Variants in CYSLTR1 observed in about 807,000 individuals in gnomAD.
The protein encoded by CYSLTR1 is G-protein coupled receptor HG55.
Under a neutral mutation model 2.1 loss-of-function variants are expected in CYSLTR1, and 1 was observed. The observed-to-expected ratio is 0.48, with a 90% CI of 0.17 to 2.28. CYSLTR1 has a LOEUF of 2.28. Among genes scored for constraint, CYSLTR1 ranks in the 30% most tolerant of loss-of-function variants. The pLI is 0.26. For missense variants in CYSLTR1, 299 were observed against 250.1 expected (o/e 1.20, Z -1.32); for synonymous variants, 110 against 89.6 (o/e 1.23, Z -1.28).
chrX:78,293,209 A>G (rs1384614158), intron 1 of CYSLTR1, among the ~76,000 whole-genome samples: 1 of 108,998 alleles, frequency 9.2e-6, no homozygotes, highest in Non-Finnish European at 1.9e-5. Context: ...CTTGTCTGTA[A>G]AGGATTTTAT....
intron 1 of CYSLTR1, among the ~76,000 whole-genome samples, chrX:78,284,137 T>A (rs957414693): frequency 8.9e-6 from 1 of 112,158 alleles, no homozygotes; most frequent in African/African-American, 3.2e-5. Context: ...TAACTTTTCA[T>A]AAGCATATAT....
intron 1 of CYSLTR1, among the ~76,000 whole-genome samples, chrX:78,285,069 T>A (rs1922003852): frequency 2.7e-5 from 3 of 111,144 alleles, no homozygotes; most frequent in Non-Finnish European, 5.7e-5. Context: ...ATATTTTTTT[T>A]AAGTTTGTTT....
chrX:78,274,063 C>T (rs1921450450), intron 2 of CYSLTR1, among the ~76,000 whole-genome samples: 1 of 111,449 alleles, frequency 9.0e-6, no homozygotes, highest in African/African-American at 3.3e-5. Context: ...TTAAATCATA[C>T]TACTGTAGTA....
chrX:78,292,851 A>G (rs976226010), intron 1 of CYSLTR1, among the ~76,000 whole-genome samples: 1 of 79,146 alleles, frequency 1.3e-5, no homozygotes, highest in African/African-American at 5.1e-5. Context: ...CCATCCCTTT[A>G]TTTTGAGCCT....
rs1187426554 is a variant in CYSLTR1, at chrX:78,272,853, A to C, written c.894T>G (p.Ser298=). 3 of 1,209,352 alleles carry C rather than the reference A, an allele frequency of 2.5e-6. No individual in the cohort carries two copies. The highest frequency in any genetic ancestry group is 3.4e-6 in the Non-Finnish European group (3 of 895,134). The change falls in exon 3 of 3, where the codon TCT becomes TCG. Residue 298 remains serine, a synonymous_variant. Coordinates refer to ENST00000373304, the MANE Select transcript of CYSLTR1 (RefSeq NM_006639.4). The stretch of plus-strand genomic sequence containing the variant: ...ACAGCCTTTTCCTAAAGTTACCCCC[A>C]GAAAAGAAATATAGGAGAGGGTCAA... ...CCFDPLLYFF[S]GGNFRKRLST...
intron 1 of CYSLTR1, among the ~76,000 whole-genome samples, chrX:78,296,533 G>A (rs1284669582): frequency 3.6e-5 from 4 of 111,604 alleles, no homozygotes; most frequent in Admixed American, 2.9e-4. Context: ...ATATGAAAAC[G>A]AAATATCTTT....
intron 1 of CYSLTR1, among the ~76,000 whole-genome samples, chrX:78,305,229 A>G (rs1410615254): frequency 8.9e-6 from 1 of 112,355 alleles, no homozygotes; most frequent in African/African-American, 3.2e-5. Flanking sequence ...AAGTAAAAAC[A>G]TTTGTAACTT....
chrX:78,292,458 G>C (rs771669290), intron 1 of CYSLTR1, among the ~76,000 whole-genome samples: 28 of 112,118 alleles, frequency 2.5e-4, no homozygotes, highest in African/African-American at 8.8e-4. Flanking sequence ...GATTTGGGTG[G>C]AGAGTTCTGT....
At chrX:78,291,134 A>C (rs923030698) in intron 1 of CYSLTR1, among the ~76,000 whole-genome samples, 1 of 111,670 alleles carries the variant, frequency 9.0e-6, no homozygotes, top group African/African-American at 3.3e-5. Flanking sequence ...ACATCCCATC[A>C]ATACCTAATT....
At chrX:78,292,302 G>A (rs1922376247) in intron 1 of CYSLTR1, among the ~76,000 whole-genome samples, 1 of 112,088 alleles carries the variant, frequency 8.9e-6, no homozygotes, top group Non-Finnish European at 1.9e-5. Flanking sequence ...TTAATCCTGA[G>A]TTCTAATTTG....
intron 1 of CYSLTR1, among the ~76,000 whole-genome samples, chrX:78,318,696 A>C (rs1423899382): frequency 8.9e-6 from 1 of 111,817 alleles, no homozygotes; most frequent in Non-Finnish European, 1.9e-5. Context: ...ACATATTTTC[A>C]GATAAAACAA....
intron 1 of CYSLTR1, among the ~76,000 whole-genome samples, chrX:78,286,806 A>G (rs1922095111): frequency 9.0e-6 from 1 of 110,869 alleles, no homozygotes; most frequent in African/African-American, 3.3e-5. Context: ...ACTACTTGGT[A>G]TCCCCTCCAT....
rs1226403410 is a variant in CYSLTR1 at position 78,272,735 on chromosome X, A to G, written c.1012T>C (p.Ter338GlnextTer10). The G allele has an allele frequency of 8.4e-6, 10 of 1,188,759 alleles. No homozygotes were observed. Among genetic ancestry groups the G allele is most frequent in the Non-Finnish European group, 1.1e-5 (10 of 884,684 alleles). Reference protein sequence around the residue: ...PEKGEEICKV* With the variant: ...PEKGEEICKVQ ...TTTGGACTGGAAATGGGTTTAAACT[A>G]TACTTTACATATTTCTTCTCCTTTT... Residue 338 changes from the stop codon to glutamine, a stop_lost, in exon 3 of 3, where the codon TAG becomes CAG. Coordinates refer to ENST00000373304, the MANE Select transcript of CYSLTR1 (RefSeq NM_006639.4).
intron 1 of CYSLTR1, among the ~76,000 whole-genome samples, chrX:78,292,763 C>G (rs1238038068): frequency 1.9e-5 from 2 of 107,393 alleles, no homozygotes; most frequent in Non-Finnish European, 3.8e-5. Context: ...GGTTTAAAGT[C>G]TGTTTTATCA....
chrX:78,307,497 T>A (rs1204603075), intron 1 of CYSLTR1, among the ~76,000 whole-genome samples: 1 of 111,825 alleles, frequency 8.9e-6, no homozygotes, highest in Non-Finnish European at 1.9e-5. Context: ...AGACCTCCTA[T>A]TAAAGGGCTC....
intron 1 of CYSLTR1, among the ~76,000 whole-genome samples, chrX:78,303,372 A>G (rs750634278): frequency 2.2e-4 from 24 of 109,395 alleles, no homozygotes; most frequent in Non-Finnish European, 3.6e-4. Flanking sequence ...ACAAAGTTAA[A>G]ATCAGGTGCT....
At chrX:78,289,027 A>G (rs1441445401) in intron 1 of CYSLTR1, among the ~76,000 whole-genome samples, 1 of 109,875 alleles carries the variant, frequency 9.1e-6, no homozygotes, top group Non-Finnish European at 1.9e-5. Flanking sequence ...GGTTTGTTAC[A>G]TAGGTATACA....
intron 1 of CYSLTR1, chrX:78,319,572 CAT>C (rs997913239): frequency 1.8e-5 from 2 of 110,551 alleles, no homozygotes; most frequent in African/African-American, 6.6e-5. Context: ...CCACAATAAA[CAT>C]ATGTGTGCAT....
intron 2 of CYSLTR1, among the ~76,000 whole-genome samples, chrX:78,278,950 A>G (rs980874366): frequency 8.9e-6 from 1 of 112,566 alleles, no homozygotes; most frequent in Non-Finnish European, 1.9e-5. Flanking sequence ...ACCATCTACA[A>G]AAATAAACTC....
Sources: allele counts gnomAD v4.1 joint callset (sites outside exome capture counted in the v4.1 genomes callset), GRCh38; gene constraint gnomAD v4.1.1; transcripts MANE v1.5; gene names NCBI Gene and HGNC (gene_info 2026-07-23, HGNC 2026-07-21).